The following ZNF566 variants were observed in gnomAD, a reference collection of about 807,000 sequenced individuals.
ZNF566 encodes the protein zinc finger protein 566.
A neutral mutation model predicts 32.8 loss-of-function variants in ZNF566; 27 were observed. The ratio of observed to expected loss-of-function variants is 0.82; its 90% CI spans 0.61 to 1.14. The LOEUF is 1.14. Among genes scored for constraint, ZNF566 ranks in the 50% most tolerant of loss-of-function variants. The pLI, the probability that ZNF566 is intolerant of heterozygous loss-of-function variation, is 0.00. For synonymous variants in ZNF566, 154 were observed against 159.5 expected (o/e 0.97, Z 0.26); for missense variants, 402 against 490.4 (o/e 0.82, Z 1.70).
At chr19:36,480,288 C>CTTTTTTTTTT (rs773998048) in intron 1 of ZNF566, among the ~76,000 whole-genome samples, 1 of 136,848 alleles carries the variant, frequency 7.3e-6, no homozygotes, top group African/African-American at 2.7e-5. Flanking sequence ...ATTTTTTTTT[C>CTTTTTTTTTT]TTTTTTTTTT....
intron 2 of ZNF566, among the ~76,000 whole-genome samples, chr19:36,475,599 T>A (rs2033865241): frequency 6.6e-6 from 1 of 152,212 alleles, no homozygotes; most frequent in Admixed American, 6.5e-5. Context: ...AAATTCATAT[T>A]AATTCAATGT....
Position 36,449,233 on chromosome 19 carries a change from G to C in ZNF566, c.1001C>G (p.Thr334Arg), listed in dbSNP as rs766172145. The change falls in exon 5 of 5, where the codon ACA (threonine) becomes AGA (arginine). Residue 334 changes from threonine to arginine, a missense_variant. Transcript: ENST00000452939. ...CTTACATTCGTAAGGTTTCTCACCT[G>C]TATGGATTCTTTGATGTTTAATAAG... ...SQLIKHQRIH[T>R]GEKPYECKEC... The C allele has an allele frequency of 3.7e-6, 6 of 1,613,950 alleles. No individual in the cohort carries two copies. The East Asian group carries it at 1.3e-4, about 36-fold the overall frequency.
intron 2 of ZNF566, among the ~76,000 whole-genome samples, chr19:36,475,660 G>C (rs2033866563): frequency 6.6e-6 from 1 of 152,106 alleles, no homozygotes; most frequent in African/African-American, 2.4e-5. Context: ...TCTGAGATAG[G>C]AGATGCTGAA....
chr19:36,445,669 A>G lies in ZNF566; in HGVS notation c.*3308T>C, dbSNP rs2032976208. On this transcript the variant is annotated 3_prime_UTR_variant, in exon 5 of 5. Coordinates refer to ENST00000452939, the MANE Select transcript of ZNF566 (RefSeq NM_001145344.1). ...ATGCCGTCTCTACTAAAAATACAAA[A>G]TTTTCCAGGCGTAGTGGCATATACC... 6.6e-6 allele frequency: 1 copy of G among 152,038 alleles called. No individual in the cohort carries two copies. Among genetic ancestry groups the G allele is most frequent in the African/African-American group, 2.4e-5 (1 of 41,370 alleles). 9.4% of individuals were successfully genotyped at this position (152,038 alleles called of 1,614,324 possible).
In ZNF566 at chr19:36,473,704, G is replaced by A. The variant is rs554040714; in HGVS notation, c.10-246C>T. On this transcript the variant is annotated intron_variant, in intron 2 of 4. Coordinates refer to ENST00000452939, the MANE Select transcript of ZNF566 (RefSeq NM_001145344.1). Reference sequence around the variant, plus strand: ...ACCTCCATTATCCAAACAAGGTTGGGAAGGTACAAAAATTCAGCTAAGAGG... The same window carrying A: ...ACCTCCATTATCCAAACAAGGTTGGAAAGGTACAAAAATTCAGCTAAGAGG... 1.2e-4 allele frequency among the ~76,000 whole-genome samples: 18 copies of A among 152,272 alleles called. No individual in the cohort carries two copies. In the South Asian group the frequency reaches 3.5e-3, roughly 30 times the overall value.
intron 4 of ZNF566, among the ~76,000 whole-genome samples, chr19:36,462,933 G>A (rs1240834542): frequency 8.4e-6 from 1 of 118,766 alleles, no homozygotes; most frequent in African/African-American, 3.3e-5. Context: ...CTCCAGCCTG[G>A]GTGACACAGC....
chr19:36,485,957 G>A (rs2034152518), intron 1 of ZNF566, among the ~76,000 whole-genome samples: 1 of 152,074 alleles, frequency 6.6e-6, no homozygotes, highest in Non-Finnish European at 1.5e-5. Context: ...GGGAGGCTGA[G>A]GCAAGAATAT....
intron 1 of ZNF566, among the ~76,000 whole-genome samples, chr19:36,483,010 G>A (rs2034073473): frequency 6.6e-6 from 1 of 152,068 alleles, no homozygotes; most frequent in South Asian, 2.1e-4. Flanking sequence ...CATAATCCTG[G>A]GTGTATGACT....
intron 4 of ZNF566, among the ~76,000 whole-genome samples, chr19:36,450,433 C>T (rs2033124992): frequency 1.3e-5 from 2 of 152,100 alleles, no homozygotes; most frequent in African/African-American, 4.8e-5. Flanking sequence ...ATCACTTGGT[C>T]AGGAGTTTGA....
At chr19:36,467,577 G>A (rs1370449035) in intron 4 of ZNF566, among the ~76,000 whole-genome samples, 3 of 150,240 alleles carry the variant, frequency 2.0e-5, no homozygotes, top group Non-Finnish European at 3.0e-5. Context: ...GGTCATTTGA[G>A]GTCAGCAGTT....
intron 1 of ZNF566, among the ~76,000 whole-genome samples, chr19:36,480,814 CG>C (rs780581644): frequency 6.6e-6 from 1 of 151,374 alleles, no homozygotes; most frequent in Non-Finnish European, 1.5e-5. Context: ...CCAAGGCAGG[CG>C]GAACACCTGA....
intron 4 of ZNF566, among the ~76,000 whole-genome samples, chr19:36,458,141 C>T (rs1031433330): frequency 6.6e-6 from 1 of 152,048 alleles, no homozygotes; most frequent in African/African-American, 2.4e-5. Context: ...GAAAAAAAAT[C>T]TGCATTCTTA....
chr19:36,449,077 T>A lies in ZNF566; in HGVS notation c.1157A>T (p.His386Leu). 1 of 1,614,056 alleles carries A rather than the reference T, an allele frequency of 6.2e-7. No individual in the cohort carries two copies. The highest frequency in any genetic ancestry group is 1.1e-5 in the South Asian group (1 of 91,076). ...YSQSSQLISH[H>L]RIHTSEKPYE... The stretch of plus-strand genomic sequence containing the variant: ...GGGTTTCTCACTAGTATGAATTCTA[T>A]GATGACTAATAAGCTGTGAACTCTG... The change falls in exon 5 of 5, where the codon CAT becomes CTT. Residue 386 changes from histidine to leucine, a missense_variant. His to Leu is a moderately conservative substitution (Grantham distance 99). Transcript: ENST00000452939.
At chr19:36,476,010 T>A (rs2033874913) in intron 2 of ZNF566, 2 of 152,106 alleles carry the variant, frequency 1.3e-5, no homozygotes. Context: ...AACAGTGAAT[T>A]AATATAAATT....
At position 36,445,891 on chromosome 19, in the gene ZNF566, T is replaced by A. The variant is rs1282863441; in HGVS notation, c.*3086A>T. ...TTTATAGAAATAAAACAGACAAGAA[T>A]ACAAAGTGTTTGTTGCAGCATTACT... On this transcript the variant is annotated 3_prime_UTR_variant, in exon 5 of 5. Transcript: ENST00000452939. The A allele has an allele frequency of 6.6e-6, 1 of 152,156 alleles. No homozygotes were observed. Among genetic ancestry groups the A allele is most frequent in the Non-Finnish European group, 1.5e-5 (1 of 68,020 alleles). 9.4% of individuals were successfully genotyped at this position (152,156 alleles called of 1,614,324 possible). A position where few individuals can be genotyped will look rare whatever the true frequency, so the allele number is the denominator to read the frequency against.
chr19:36,449,952 A>C lies in ZNF566; in HGVS notation c.282T>G (p.Ile94Met). ...CCCACTGGGTTGATTCTATTTCATA[A>C]ATTTCTTTCTTCAGAAATAATTTCT... ...ETKKLFLKKE[I>M]YEIESTQWEI... Residue 94 changes from isoleucine to methionine, a missense_variant, in exon 5 of 5, where the codon ATT (isoleucine) becomes ATG (methionine). Ile to Met is a conservative substitution (Grantham distance 10, BLOSUM62 1). Coordinates refer to ENST00000452939, the MANE Select transcript of ZNF566 (RefSeq NM_001145344.1). The C allele has an allele frequency of 6.2e-7, 1 of 1,611,406 alleles. No individual in the cohort carries two copies. The highest frequency in any genetic ancestry group is 8.5e-7 in the Non-Finnish European group (1 of 1,179,332).
chr19:36,485,655 G>C (rs1035400293), intron 1 of ZNF566, among the ~76,000 whole-genome samples: 1 of 151,652 alleles, frequency 6.6e-6, no homozygotes, highest in African/African-American at 2.4e-5. Flanking sequence ...CCAGCTACTC[G>C]GGAGGCTGAG....
At chr19:36,450,432 T>C in intron 4 of ZNF566, among the ~76,000 whole-genome samples, 1 of 152,066 alleles carries the variant, frequency 6.6e-6, no homozygotes, top group East Asian at 1.9e-4. Context: ...GATCACTTGG[T>C]CAGGAGTTTG....
intron 1 of ZNF566, among the ~76,000 whole-genome samples, chr19:36,482,215 C>G (rs1328326595): frequency 6.6e-6 from 1 of 152,222 alleles, no homozygotes; most frequent in Non-Finnish European, 1.5e-5. Flanking sequence ...ACGCCATTCT[C>G]CTGCCTCAGC....
Sources: gnomAD v4.1 joint callset for allele counts (sites outside exome capture counted in the v4.1 genomes callset) on GRCh38, gnomAD v4.1.1 for gene constraint, MANE v1.5 for transcripts, NCBI Gene and HGNC (gene_info 2026-07-23, HGNC 2026-07-21) for gene names.